KCNQ2: variants seen among roughly 807,000 people sequenced by gnomAD.
The protein encoded by KCNQ2 is potassium voltage-gated channel subfamily Q member 2.
A neutral mutation model predicts 84.8 loss-of-function variants in KCNQ2; 14 were observed. The ratio of observed to expected loss-of-function variants is 0.17; its 90% CI spans 0.11 to 0.26. KCNQ2 has a LOEUF of 0.26. Among genes scored for constraint, KCNQ2 ranks in the 10% least tolerant of loss-of-function variants. KCNQ2 has a pLI of 1.00. For missense variants in KCNQ2, 788 were observed against 1,254.0 expected (o/e 0.63, Z 5.61); for synonymous variants, 599 against 554.1 (o/e 1.08, Z -1.14).
chr20:63,431,973 C>T (rs6090418), intron 8 of KCNQ2, among the ~76,000 whole-genome samples: 5,360 of 68,946 alleles, frequency 0.078, 68 homozygotes, highest in East Asian at 0.12. Flanking sequence ...CAGGGAAGGC[C>T]CCACCCGCAG....
At chr20:63,461,285 G>A (rs1359863156) in intron 1 of KCNQ2, among the ~76,000 whole-genome samples, 1 of 152,180 alleles carries the variant, frequency 6.6e-6, no homozygotes, top group Non-Finnish European at 1.5e-5. Flanking sequence ...CTCAGCTCTT[G>A]GCTAATTAAA....
intron 15 of KCNQ2, 47 bp downstream of exon 15, chr20:63,413,402 GC>G: frequency 6.2e-7 from 1 of 1,608,934 alleles, no homozygotes; most frequent in East Asian, 2.2e-5. Flanking sequence ...TGTCCCAGAA[GC>G]CCACCCCGTT....
At chr20:63,409,467 T>G (rs971848947) in intron 15 of KCNQ2, among the ~76,000 whole-genome samples, 2 of 152,238 alleles carry the variant, frequency 1.3e-5, no homozygotes, top group Non-Finnish European at 2.9e-5. Flanking sequence ...TCACGGCCAC[T>G]GCTGGGCTGG....
intron 2 of KCNQ2, chr20:63,445,589 A>C: frequency 1.5e-5 from 2 of 131,884 alleles, no homozygotes; most frequent in Non-Finnish European, 2.5e-5. Flanking sequence ...CATGAACACC[A>C]TGGGGCCACC....
intron 1 of KCNQ2, chr20:63,470,822 G>C (rs1026544088): frequency 6.6e-6 from 1 of 152,130 alleles, no homozygotes; most frequent in African/African-American, 2.4e-5. Context: ...AAGCTCATCT[G>C]GGGATTCGGG....
chr20:63,456,287 C>T (rs981461900), intron 1 of KCNQ2, among the ~76,000 whole-genome samples: 16 of 152,198 alleles, frequency 1.1e-4, no homozygotes, highest in African/African-American at 3.4e-4. Context: ...GACGCCGCCA[C>T]CCCGCTCCTC....
intron 1 of KCNQ2, among the ~76,000 whole-genome samples, chr20:63,448,862 G>A (rs1407536587): frequency 6.6e-6 from 1 of 152,208 alleles, no homozygotes; most frequent in East Asian, 1.9e-4. Context: ...GACTGGTCAC[G>A]CCCCCTCATC....
At chr20:63,432,947 G>A (rs2080873232) in intron 8 of KCNQ2, among the ~76,000 whole-genome samples, 1 of 152,136 alleles carries the variant, frequency 6.6e-6, no homozygotes, top group Non-Finnish European at 1.5e-5. Flanking sequence ...GGTGACGGGG[G>A]GCGCGGGAGC....
intron 1 of KCNQ2, among the ~76,000 whole-genome samples, chr20:63,450,683 C>T (rs2081588414): frequency 1.3e-5 from 2 of 149,632 alleles, no homozygotes; most frequent in African/African-American, 4.9e-5. Context: ...GGCAGAGCAG[C>T]GTCTGTGGAG....
chr20:63,428,387 A>T lies in KCNQ2; in HGVS notation c.1197T>A (p.Ser399Arg). 6.3e-7 allele frequency: 1 copy of T among 1,578,300 alleles called. No homozygotes were observed. The highest frequency in any genetic ancestry group is 8.6e-7 in the Non-Finnish European group (1 of 1,162,218). Residue 399 changes from serine (S) to arginine (R), a missense_variant, in exon 10 of 17, where the codon AGT becomes AGA. Physicochemically the swap from Ser to Arg is moderately radical, Grantham distance 110 (BLOSUM62 -1). Transcript: ENST00000359125. ...NQLELLRNLK[S>R]KSGLAFRKDP... ...CTGACCTGAAAGCGAGTCCAGATTT[A>T]CTCTTGAGGTTCCTCAGCAGCTCCA...
intron 15 of KCNQ2, among the ~76,000 whole-genome samples, chr20:63,411,550 G>A (rs1042918573): frequency 2.0e-5 from 3 of 152,216 alleles, no homozygotes; most frequent in Non-Finnish European, 2.9e-5. Context: ...GGCACTTGTC[G>A]AGAGGAGCAG....
intron 5 of KCNQ2, among the ~76,000 whole-genome samples, chr20:63,440,441 A>G (rs538704570): frequency 5.5e-4 from 83 of 152,218 alleles, no homozygotes; most frequent in African/African-American, 1.9e-3. Flanking sequence ...AGTGCTGGAC[A>G]TGTTGGGGCC....
chr20:63,470,538 G>GCC (rs2082191181), intron 1 of KCNQ2, among the ~76,000 whole-genome samples: 1 of 152,210 alleles, frequency 6.6e-6, no homozygotes, highest in African/African-American at 2.4e-5. Flanking sequence ...GGGCGGCCAT[G>GCC]CGGAGAGCTG....
chr20:63,415,878 C>T (rs1568883078), intron 12 of KCNQ2, among the ~76,000 whole-genome samples: 1 of 152,176 alleles, frequency 6.6e-6, no homozygotes, highest in East Asian at 1.9e-4. Flanking sequence ...CCTCCCACGG[C>T]CTGTCCCTCT....
chr20:63,461,943 G>A (rs1467959980), intron 1 of KCNQ2, among the ~76,000 whole-genome samples: 5 of 125,782 alleles, frequency 4.0e-5, no homozygotes, highest in South Asian at 3.0e-4. Flanking sequence ...GGAGCAGGGA[G>A]GAGGCTGCAT....
At chr20:63,411,993 G>T in intron 15 of KCNQ2, 2 of 645,844 alleles carry the variant, frequency 3.1e-6, no homozygotes, top group South Asian at 3.5e-5. Flanking sequence ...AGGCTCCGTC[G>T]AAACAGGTGC....
In KCNQ2 at chr20:63,446,954, G is replaced by T; in HGVS notation, c.297-117C>A. On this transcript the variant is annotated intron_variant, in intron 1 of 16. Coordinates refer to ENST00000359125, the MANE Select transcript of KCNQ2 (RefSeq NM_172107.4). This position sits in a 1 kb window ranked among gnomAD's most constrained non-coding sequence, Gnocchi z 5.5. ...GCCGCAGCAGGGCACCAGCATGGCC[G>T]CGTCTCCAGAACGCAGGACCCCACT... 2 of 915,814 alleles carry T rather than the reference G, an allele frequency of 2.2e-6. No homozygotes were observed. The highest frequency in any genetic ancestry group is 2.9e-4 in the Middle Eastern group (1 of 3,424). 56.7% of individuals were successfully genotyped at this position (915,814 alleles called of 1,614,324 possible).
chr20:63,408,098 G>A lies in KCNQ2; in HGVS notation c.1887+315C>T. Reference sequence around the variant, plus strand: ...AGGAGGACAGAGAGGAGGAAGGCCAGGCAGGTACAACTTCCGGCACGTTCC... The same window carrying A: ...AGGAGGACAGAGAGGAGGAAGGCCAAGCAGGTACAACTTCCGGCACGTTCC... On this transcript the variant is annotated intron_variant, in intron 16 of 16. Coordinates refer to ENST00000359125, the MANE Select transcript of KCNQ2 (RefSeq NM_172107.4). This position sits in a 1 kb window ranked among gnomAD's most constrained non-coding sequence, Gnocchi z 5.0. The A allele has an allele frequency of 2.5e-6, 1 of 396,516 alleles. No individual in the cohort carries two copies. The highest frequency in any genetic ancestry group is 4.8e-6 in the Non-Finnish European group (1 of 209,364). The allele number at this position is 396,516 out of a possible 1,614,324, so 24.6% of individuals were successfully genotyped here.
At chr20:63,443,120 T>TCACCAC (rs879894114) in intron 4 of KCNQ2, among the ~76,000 whole-genome samples, 1 of 30,474 alleles carries the variant, frequency 3.3e-5, no homozygotes, top group African/African-American at 1.6e-4. Flanking sequence ...ACCACCACTA[T>TCACCAC]CACCACCACC....
Sources: allele counts gnomAD v4.1 joint callset (sites outside exome capture counted in the v4.1 genomes callset), GRCh38; gene constraint gnomAD v4.1.1; non-coding constraint Gnocchi (gnomAD v3.1); transcripts MANE v1.5; gene names NCBI Gene and HGNC (gene_info 2026-07-23, HGNC 2026-07-21).